The following CUL3 variants were observed in gnomAD, a reference collection of about 807,000 sequenced individuals.
The protein encoded by CUL3 is cullin 3.
CUL3 carries 19 observed loss-of-function variants against 89.1 expected under a neutral mutation model. The observed-to-expected ratio is 0.21, with a 90% confidence interval of 0.15 to 0.31. CUL3 has a LOEUF of 0.31. Ranked by LOEUF, CUL3 falls within the 10% of genes least tolerant of loss-of-function variation. The pLI, the probability that CUL3 is intolerant of heterozygous loss-of-function variation, is 1.00. For missense variants in CUL3, 469 were observed against 942.3 expected (o/e 0.50, Z 6.58); for synonymous variants, 351 against 308.4 (o/e 1.14, Z -1.45).
intron 14 of CUL3, among the ~76,000 whole-genome samples, chr2:224,480,321 C>T (rs1691487334): frequency 6.6e-6 from 1 of 152,132 alleles, no homozygotes; most frequent in Admixed American, 6.5e-5. Flanking sequence ...GACAGTAAAA[C>T]CAATGTGGTC....
At position 224,502,958 on chromosome 2, in the gene CUL3, A is replaced by C. The variant is rs376425816; in HGVS notation, c.1485+7T>G. 255 of 1,599,996 alleles carry C rather than the reference A, an allele frequency of 1.6e-4. No homozygotes were observed. In the Admixed American group the frequency reaches 3.4e-3, roughly 22 times the overall value. ...ATATCTAAGTAGAAATTAACGCAGAATCTTACACCAGTTGCCTGTAGATGT... is the reference window on the plus strand; with the variant it reads ...ATATCTAAGTAGAAATTAACGCAGACTCTTACACCAGTTGCCTGTAGATGT... On this transcript the variant is annotated splice_region_variant and intron_variant, in intron 10 of 15. Transcript: ENST00000264414.
chr2:224,505,774 A>C, intron 8 of CUL3, 182 bp downstream of exon 8: 1 of 341,232 alleles, frequency 2.9e-6, no homozygotes, highest in Non-Finnish European at 5.1e-6. Flanking sequence ...ATTAAGTGAA[A>C]TGTCTAACTA....
Position 224,585,098 on chromosome 2 carries a change from C to T in CUL3, c.-89G>A, listed in dbSNP as rs1460387352. The T allele has an allele frequency of 6.7e-5, 72 of 1,080,878 alleles. No individual in the cohort carries two copies. The highest frequency in any genetic ancestry group is 1.2e-4 in the South Asian group (7 of 57,150). The allele number at this position is 1,080,878 out of a possible 1,614,324, so 67.0% of individuals were successfully genotyped here. ...AGGCGGGCAGGCAGGCTAGGGGCGA[C>T]GCTGGGGGCGGCGGCGGCGCGACCC... On this transcript the variant is annotated 5_prime_UTR_variant, in exon 1 of 16. Transcript: ENST00000264414.
At chr2:224,531,446 A>C (rs74743262) in intron 3 of CUL3, among the ~76,000 whole-genome samples, 1 of 151,828 alleles carries the variant, frequency 6.6e-6, no homozygotes, top group South Asian at 2.1e-4. Context: ...AAAAAAAAAA[A>C]CATACAATAT....
intron 11 of CUL3, chr2:224,499,799 A>G (rs1574631148): frequency 4.7e-6 from 1 of 212,320 alleles, no homozygotes; most frequent in East Asian, 1.1e-4. Context: ...CTTCATCCCT[A>G]GTGTTCACAC....
At chr2:224,549,024 C>T (rs113182119) in intron 2 of CUL3, among the ~76,000 whole-genome samples, 46 of 148,500 alleles carry the variant, frequency 3.1e-4, no homozygotes, top group African/African-American at 1.1e-3. Flanking sequence ...ACAACAACAA[C>T]AACAAAAAAG....
intron 1 of CUL3, among the ~76,000 whole-genome samples, chr2:224,580,944 G>C (rs1375769154): frequency 2.0e-5 from 3 of 151,812 alleles, no homozygotes; most frequent in Admixed American, 1.3e-4. Flanking sequence ...TGAAAGAAAT[G>C]GGGGCGTGGA....
chr2:224,522,866 CAAGA>C (rs1352355189), intron 3 of CUL3, among the ~76,000 whole-genome samples: 2 of 150,946 alleles, frequency 1.3e-5, no homozygotes, highest in Non-Finnish European at 3.0e-5. Context: ...AAAATTTTAA[CAAGA>C]AAAACACAGT....
In CUL3 at chr2:224,473,114, T is replaced by G. The variant is rs921207950; in HGVS notation, c.*1131A>C. Reference sequence around the variant, plus strand: ...CTCTTTGGAGGACAATAGCTAAATATCCAAGAATCATCAGGTTTGAGAAAT... The same window carrying G: ...CTCTTTGGAGGACAATAGCTAAATAGCCAAGAATCATCAGGTTTGAGAAAT... On this transcript the variant is annotated 3_prime_UTR_variant, in exon 16 of 16. Transcript: ENST00000264414. 1.1e-4 allele frequency: 22 copies of G among 204,318 alleles called. No individual in the cohort carries two copies. The highest frequency in any genetic ancestry group is 2.2e-4 in the Non-Finnish European group (22 of 99,414). 12.7% of individuals were successfully genotyped at this position (204,318 alleles called of 1,614,324 possible).
chr2:224,474,500 A>G, intron 15 of CUL3, 124 bp from the exon 16 acceptor site: 1 of 763,230 alleles, frequency 1.3e-6, no homozygotes, highest in Non-Finnish European at 2.0e-6. Context: ...CAAAGATAAA[A>G]GCACAGAAAC....
At chr2:224,542,601 T>G (rs1351640245) in intron 2 of CUL3, among the ~76,000 whole-genome samples, 1 of 151,684 alleles carries the variant, frequency 6.6e-6, no homozygotes, top group African/African-American at 2.4e-5. Context: ...AGGTAAGGGG[T>G]CTTACTGTTT....
intron 2 of CUL3, among the ~76,000 whole-genome samples, chr2:224,548,747 T>A (rs1053348339): frequency 2.0e-5 from 3 of 152,226 alleles, no homozygotes; most frequent in Non-Finnish European, 4.4e-5. Context: ...CTCACGCCTG[T>A]AGTCCCAGCA....
intron 2 of CUL3, among the ~76,000 whole-genome samples, chr2:224,543,321 A>G (rs2106279370): frequency 6.6e-6 from 1 of 152,316 alleles, no homozygotes; most frequent in Non-Finnish European, 1.5e-5. Flanking sequence ...CTGTCCATCA[A>G]AAAAATACTA....
rs1390943838 is a variant in CUL3, at chr2:224,500,575, G to C, written c.1486-88C>G. On this transcript the variant is annotated intron_variant, in intron 10 of 15. Transcript: ENST00000264414. ...TAGACATTGTGTTAGATTTACCAAA[G>C]CAGTTAGCTCCATGTCTAATATCTA... 12 of 1,216,816 alleles carry C rather than the reference G, an allele frequency of 9.9e-6. No homozygotes were observed. The East Asian group carries it at 3.1e-4, about 31-fold the overall frequency. 75.4% of individuals were successfully genotyped at this position (1,216,816 alleles called of 1,614,324 possible). A position where few individuals can be genotyped will look rare whatever the true frequency, so the allele number is the denominator to read the frequency against.
intron 14 of CUL3, chr2:224,479,894 A>C (rs1266186734): frequency 6.6e-6 from 1 of 152,190 alleles, no homozygotes. Context: ...CACCTAAATA[A>C]GTGTCTTCTT....
chr2:224,511,675 CCT>C, intron 5 of CUL3, 93 bp from the exon 6 acceptor site: 1 of 665,048 alleles, frequency 1.5e-6, no homozygotes, highest in South Asian at 2.4e-5. Context: ...AATAAATCAG[CCT>C]AAATAAAATA....
In CUL3 at chr2:224,553,349, G is replaced by T. The variant is rs376657099; in HGVS notation, c.264+4310C>A. ...TCAAAAATTGACTGGTCAAATGAGC[G>T]TGAAAGAAAAGAATAAATAAAAGAA... is the stretch of plus-strand genomic sequence containing the variant. On this transcript the variant is annotated intron_variant, in intron 2 of 15. Transcript: ENST00000264414. Among the ~76,000 whole-genome samples, 43 of 152,250 alleles carry T rather than the reference G, an allele frequency of 2.8e-4. 1 individual carries two copies. Among genetic ancestry groups the T allele is most frequent in the Admixed American group, 3.3e-4 (5 of 15,300 alleles).
intron 2 of CUL3, among the ~76,000 whole-genome samples, chr2:224,549,822 C>T (rs892512269): frequency 1.3e-5 from 2 of 151,942 alleles, no homozygotes; most frequent in Non-Finnish European, 2.9e-5. Flanking sequence ...AATTTAAAAC[C>T]GTGCTTTAGT....
chr2:224,528,679 A>G lies in CUL3; in HGVS notation c.378+6849T>C, dbSNP rs1313680069. ...GTTTCTCAGCTTCTCTCCTCTTCAT[A>G]AAGTTATTTTTACACACCACTTCAT... On this transcript the variant is annotated intron_variant, in intron 3 of 15. Transcript: ENST00000264414. 2.0e-5 allele frequency among the ~76,000 whole-genome samples: 3 copies of G among 152,088 alleles called. No individual in the cohort carries two copies. In the East Asian group the frequency reaches 5.8e-4, roughly 30 times the overall value.
Sources: gnomAD v4.1 joint callset for allele counts (sites outside exome capture counted in the v4.1 genomes callset) on GRCh38, gnomAD v4.1.1 for gene constraint, MANE v1.5 for transcripts, NCBI Gene and HGNC (gene_info 2026-07-23, HGNC 2026-07-21) for gene names.